The following ASAP2 variants were observed in gnomAD, a reference collection of about 807,000 sequenced individuals.
ASAP2 encodes the protein ArfGAP with SH3 domain, ankyrin repeat and PH domain 2.
A neutral mutation model predicts 131.4 loss-of-function variants in ASAP2; 45 were observed. The observed-to-expected ratio is 0.34, with a 90% CI of 0.27 to 0.44. The LOEUF (loss-of-function observed/expected upper bound fraction) is 0.44. Among genes scored for constraint, ASAP2 ranks in the 20% least tolerant of loss-of-function variants. ASAP2 has a pLI of 1.00. For synonymous variants in ASAP2, 510 were observed against 503.0 expected (o/e 1.01, Z -0.19); for missense variants, 1,011 against 1,297.0 (o/e 0.78, Z 3.39).
Position 9,376,950 on chromosome 2 carries a change from G to T in ASAP2, c.1789G>T (p.Asp597Tyr), listed in dbSNP as rs1674450901. Residue 597 changes from aspartate to tyrosine, a missense_variant, in exon 18 of 28, where the codon GAT becomes TAT. This residue lies in a region of ASAP2 where 652 missense variants were observed against 698.9 expected (regional missense o/e 0.93). Transcript: ENST00000281419. Reference sequence around the variant, plus strand: ...CCTCCACCTTGCAGTCAGATCCGTGGATCGAACCTCTCTTCACATTGTAGA... The same window carrying T: ...CCTCCACCTTGCAGTCAGATCCGTGTATCGAACCTCTCTTCACATTGTAGA... ...TALHLAVRSV[D>Y]RTSLHIVDFL... 4 of 1,614,050 alleles carry T rather than the reference G, an allele frequency of 2.5e-6. No individual in the cohort carries two copies. The highest frequency in any genetic ancestry group is 1.3e-5 in the African/African-American group (1 of 74,920).
At chr2:9,374,319 G>A (rs1018305518) in intron 16 of ASAP2, among the ~76,000 whole-genome samples, 1 of 152,256 alleles carries the variant, frequency 6.6e-6, no homozygotes, top group African/African-American at 2.4e-5. Flanking sequence ...CAGTGAGGCA[G>A]GCAGGCCTTC....
chr2:9,395,772 C>T (rs1331809487), intron 24 of ASAP2, among the ~76,000 whole-genome samples: 1 of 150,830 alleles, frequency 6.6e-6, no homozygotes, highest in Non-Finnish European at 1.5e-5. Flanking sequence ...CACGCCTGGC[C>T]AATTTTTTAT....
At chr2:9,287,254 C>G (rs564696471) in intron 2 of ASAP2, among the ~76,000 whole-genome samples, 48 of 152,378 alleles carry the variant, frequency 3.2e-4, no homozygotes, top group Non-Finnish European at 6.2e-4. Context: ...CATCGTAGTC[C>G]TTCTGAAAAA....
At chr2:9,280,225 C>T (rs1055968752) in intron 2 of ASAP2, among the ~76,000 whole-genome samples, 8 of 152,270 alleles carry the variant, frequency 5.3e-5, no homozygotes, top group Admixed American at 5.2e-4. Flanking sequence ...ATACTGTGTC[C>T]CCTCACCCTC....
chr2:9,298,742 G>C (rs1425333477), intron 3 of ASAP2, among the ~76,000 whole-genome samples: 1 of 152,168 alleles, frequency 6.6e-6, no homozygotes, highest in South Asian at 2.1e-4. Context: ...GGCGTCTCCT[G>C]GTAGAAAAGT....
intron 19 of ASAP2, among the ~76,000 whole-genome samples, chr2:9,380,236 C>T (rs1414489502): frequency 6.6e-6 from 1 of 152,070 alleles, no homozygotes; most frequent in South Asian, 2.1e-4. Context: ...CTCGCTCTGT[C>T]ACCAAGGCTA....
At chr2:9,260,927 A>G (rs1352513253) in intron 1 of ASAP2, among the ~76,000 whole-genome samples, 5 of 152,138 alleles carry the variant, frequency 3.3e-5, no homozygotes, top group South Asian at 4.1e-4. Flanking sequence ...GAAACAAGGA[A>G]TTGGTTACCC....
chr2:9,360,908 G>A (rs1003796525), intron 15 of ASAP2, among the ~76,000 whole-genome samples: 3 of 152,100 alleles, frequency 2.0e-5, no homozygotes, highest in Non-Finnish European at 4.4e-5. Flanking sequence ...GTAGGAGCCC[G>A]ACCCCACCAT....
At chr2:9,369,765 G>A (rs546993849) in intron 16 of ASAP2, among the ~76,000 whole-genome samples, 4 of 152,330 alleles carry the variant, frequency 2.6e-5, no homozygotes, top group African/African-American at 9.6e-5. Context: ...CTTCCCAAAG[G>A]ACAGTGAGCA....
At chr2:9,368,721 G>C (rs1049918152) in intron 16 of ASAP2, among the ~76,000 whole-genome samples, 1 of 152,060 alleles carries the variant, frequency 6.6e-6, no homozygotes, top group Non-Finnish European at 1.5e-5. Flanking sequence ...CCAAAAGCAG[G>C]CAGGTTTCGC....
chr2:9,289,858 T>C (rs536456767), intron 2 of ASAP2, among the ~76,000 whole-genome samples: 1 of 152,256 alleles, frequency 6.6e-6, no homozygotes, highest in East Asian at 1.9e-4. Context: ...TGGGGTACCA[T>C]CCACAAAGAC....
intron 21 of ASAP2, among the ~76,000 whole-genome samples, chr2:9,387,173 C>G (rs1476366662): frequency 6.9e-6 from 1 of 144,694 alleles, no homozygotes; most frequent in Non-Finnish European, 1.5e-5. Flanking sequence ...GGGATTGCGC[C>G]ACTGCATTCC....
chr2:9,316,994 C>T (rs1414181593), intron 3 of ASAP2, among the ~76,000 whole-genome samples: 3 of 147,578 alleles, frequency 2.0e-5, no homozygotes, highest in African/African-American at 7.5e-5. Context: ...TGTCCACTCT[C>T]ATACACTCTC....
chr2:9,376,092 C>T (rs529357037), intron 17 of ASAP2, among the ~76,000 whole-genome samples: 11 of 152,358 alleles, frequency 7.2e-5, no homozygotes, highest in Non-Finnish European at 1.5e-4. Context: ...AAGGATGCCT[C>T]ACGGCTGCAG....
chr2:9,225,516 G>A (rs1376978013), intron 1 of ASAP2, among the ~76,000 whole-genome samples: 1 of 152,152 alleles, frequency 6.6e-6, no homozygotes, highest in Admixed American at 6.5e-5. Context: ...TACCTCTGAG[G>A]TCATGAGTAA....
intron 2 of ASAP2, 90 bp downstream of exon 2, chr2:9,279,479 G>C: frequency 8.3e-7 from 1 of 1,206,966 alleles, no homozygotes; most frequent in Non-Finnish European, 1.2e-6. Context: ...ATTAACAAAT[G>C]AGCCAGCTAG....
chr2:9,289,025 G>A (rs925924666), intron 2 of ASAP2, among the ~76,000 whole-genome samples: 2 of 152,198 alleles, frequency 1.3e-5, no homozygotes, highest in Non-Finnish European at 2.9e-5. Flanking sequence ...TCCCCATAGA[G>A]TGCTGTGTTT....
At chr2:9,400,435 C>CTCCTCCCTCCTCCCTCCTGCCA (rs1297063338) in intron 25 of ASAP2, among the ~76,000 whole-genome samples, 6 of 130,476 alleles carry the variant, frequency 4.6e-5, no homozygotes, top group African/African-American at 1.8e-4. Context: ...CCCTGCCTTC[C>CTCCTCCCTCCTCCCTCCTGCCA]TCCTCCCTCC....
At chr2:9,294,813 C>T (rs554048898) in intron 2 of ASAP2, among the ~76,000 whole-genome samples, 6 of 152,266 alleles carry the variant, frequency 3.9e-5, no homozygotes, top group Non-Finnish European at 5.9e-5. Flanking sequence ...GAGGACACCA[C>T]GGCCCAGCTC....
Sources: allele counts gnomAD v4.1 joint callset (sites outside exome capture counted in the v4.1 genomes callset), GRCh38; gene constraint gnomAD v4.1.1; regional missense constraint gnomAD v4.1.1; transcripts MANE v1.5; gene names NCBI Gene and HGNC (gene_info 2026-07-23, HGNC 2026-07-21).